The following TMEM201 variants were observed in gnomAD, a reference collection of about 807,000 sequenced individuals.
The protein encoded by TMEM201 is transmembrane protein 201, also known as RP13-15M17.2.
Under a neutral mutation model 63.4 loss-of-function variants are expected in TMEM201, and 26 were observed. The ratio of observed to expected loss-of-function variants is 0.41; its 90% confidence interval spans 0.30 to 0.57. The LOEUF (loss-of-function observed/expected upper bound fraction) is 0.57, where lower values mean the gene tolerates loss of function less well. Ranked by LOEUF, TMEM201 falls within the 20% of genes least tolerant of loss-of-function variation. The probability of loss-of-function intolerance (pLI) is 0.29; values close to 1 mark genes in which losing one functional copy is unlikely to be tolerated. For missense variants in TMEM201, 794 were observed against 917.7 expected (o/e 0.87, Z 1.74); for synonymous variants, 417 against 421.6 (o/e 0.99, Z 0.14).
rs1644304691 is a variant in TMEM201 at position 9,610,375 on chromosome 1, CCT to C, written c.1466-130_1466-129del. On this transcript the variant is annotated intron_variant, in intron 8 of 10. Transcript: ENST00000340381. This position sits in a 1 kb window ranked among gnomAD's most constrained non-coding sequence, Gnocchi z 4.9. The stretch of plus-strand genomic sequence containing the variant: ...CTTCAGCTTTGCAGCAGGACTTCCC[CCT>C]GTCCCCAGTCTCTGCACCTTTCCTG... 4.2e-6 allele frequency: 4 copies of C among 961,178 alleles called. No individual in the cohort carries two copies. The highest frequency in any genetic ancestry group is 5.3e-5 in the East Asian group (2 of 37,562). The allele number at this position is 961,178 out of a possible 1,614,324, so 59.5% of individuals were successfully genotyped here. A position where few individuals can be genotyped will look rare whatever the true frequency, so the allele number is the denominator to read the frequency against.
rs764191806 is a variant in TMEM201 at position 9,598,517 on chromosome 1, G to A, written c.498G>A (p.Pro166=). The part of the protein sequence containing the change: ...HLEQMYKLCR[P]CQAAVEYYIK... ...AGCAGATGTACAAGCTGTGCCGGCC[G>A]TGCCAAGCGGCTGTGGAGTACTACA... The change falls in exon 4 of 11, where the codon CCG becomes CCA. Residue 166 remains proline, a synonymous_variant. Transcript: ENST00000340381. The A allele has an allele frequency of 2.2e-5, 36 of 1,613,896 alleles. No homozygotes were observed. Among genetic ancestry groups the A allele is most frequent in the Admixed American group, 3.3e-5 (2 of 60,008 alleles).
chr1:9,602,963 G>C (rs992211735), intron 6 of TMEM201: 3 of 985,472 alleles, frequency 3.0e-6, no homozygotes, highest in Non-Finnish European at 3.6e-6. Context: ...TGCAGTTCTT[G>C]GGCCCAGCCT....
intron 10 of TMEM201, among the ~76,000 whole-genome samples, chr1:9,612,413 G>C (rs1644337450): frequency 6.6e-6 from 1 of 152,202 alleles, no homozygotes; most frequent in Admixed American, 6.5e-5. Flanking sequence ...GACCAGATCT[G>C]TGGTACACAT....
Position 9,610,882 on chromosome 1 carries a change from G to A in TMEM201, c.1765+77G>A. The A allele has an allele frequency of 6.7e-7, 1 of 1,490,320 alleles. No homozygotes were observed. The highest frequency in any genetic ancestry group is 9.0e-7 in the Non-Finnish European group (1 of 1,116,144). 92.3% of individuals were successfully genotyped at this position (1,490,320 alleles called of 1,614,324 possible). ...GAGGCCTGGCTGTGCGGCGGTGGGG[G>A]GGCTCATCCTTGCTCTGACTCCGGT... On this transcript the variant is annotated intron_variant, in intron 9 of 10. Coordinates refer to ENST00000340381, the MANE Select transcript of TMEM201 (RefSeq NM_001130924.3). This position sits in a 1 kb window ranked among gnomAD's most constrained non-coding sequence, Gnocchi z 4.9.
In TMEM201 at chr1:9,592,856, C is replaced by T. The variant is rs575172956; in HGVS notation, c.114-3034C>T. Among the ~76,000 whole-genome samples the T allele has an allele frequency of 9.5e-4, 145 of 152,324 alleles. 1 individual carries two copies. The highest frequency in any genetic ancestry group is 3.3e-3 in the African/African-American group (136 of 41,572). On this transcript the variant is annotated intron_variant, in intron 1 of 10. Coordinates refer to ENST00000340381, the MANE Select transcript of TMEM201 (RefSeq NM_001130924.3). ...GCCGAGATAGTGGCCTCCAGGCCCT[C>T]GTGTCCACCCATCAAATGGGACCCA...
Position 9,595,962 on chromosome 1 carries a change from C to T in TMEM201, c.186C>T (p.Arg62=), listed in dbSNP as rs200443769. The T allele has an allele frequency of 3.1e-6, 5 of 1,613,650 alleles. No homozygotes were observed. The highest frequency in any genetic ancestry group is 1.7e-4 in the Middle Eastern group (1 of 5,998). ...NQDTLVPYGN[R]NCWDCPHCEQ... ...ATACGCTGGTGCCCTATGGGAACCGCAACTGCTGGGACTGTCCCCACTGCG... is the reference window on the plus strand; with the variant it reads ...ATACGCTGGTGCCCTATGGGAACCGTAACTGCTGGGACTGTCCCCACTGCG... The change falls in exon 2 of 11, where the codon CGC becomes CGT. Residue 62 remains arginine (R), a synonymous_variant. Coordinates refer to ENST00000340381, the MANE Select transcript of TMEM201 (RefSeq NM_001130924.3).
chr1:9,598,313 T>C, intron 3 of TMEM201, 136 bp from the exon 4 acceptor site: 1 of 1,017,458 alleles, frequency 9.8e-7, no homozygotes, highest in Non-Finnish European at 1.5e-6. Flanking sequence ...GGGAAGCAGG[T>C]TCAAAGTGGG....
At chr1:9,594,176 G>T (rs1358937607) in intron 1 of TMEM201, among the ~76,000 whole-genome samples, 1 of 152,254 alleles carries the variant, frequency 6.6e-6, no homozygotes, top group African/African-American at 2.4e-5. Flanking sequence ...GCCCTAGAAG[G>T]CAGAGCTGCT....
chr1:9,588,950 TG>T lies in TMEM201; in HGVS notation c.21del (p.Leu8TrpfsTer32). MEGVSA[L>X]LARCPTAGLA... ...AGAGCCATGGAGGGAGTGAGCGCGCTGCTGGCCCGCTGCCCCACGGCCGGCC... is the reference window on the plus strand; with the variant it reads ...AGAGCCATGGAGGGAGTGAGCGCGCTCTGGCCCGCTGCCCCACGGCCGGCC... On this transcript the variant is annotated frameshift_variant, in exon 1 of 11. Coordinates refer to ENST00000340381, the MANE Select transcript of TMEM201 (RefSeq NM_001130924.3). LOFTEE classifies it high-confidence loss of function. 7.8e-7 allele frequency: 1 copy of T among 1,276,128 alleles called. No individual in the cohort carries two copies. The highest frequency in any genetic ancestry group is 1.0e-6 in the Non-Finnish European group (1 of 992,532). The allele number at this position is 1,276,128 out of a possible 1,614,324, so 79.1% of individuals were successfully genotyped here.
chr1:9,599,920 C>T (rs952259291), intron 4 of TMEM201, among the ~76,000 whole-genome samples: 1 of 152,188 alleles, frequency 6.6e-6, no homozygotes, highest in Non-Finnish European at 1.5e-5. Flanking sequence ...TTAATTGGAG[C>T]TGACATAAAT....
At position 9,595,913 on chromosome 1, in the gene TMEM201, T is replaced by G; in HGVS notation, c.137T>G (p.Val46Gly). 6.2e-7 allele frequency: 1 copy of G among 1,613,576 alleles called. No homozygotes were observed. The highest frequency in any genetic ancestry group is 8.5e-7 in the Non-Finnish European group (1 of 1,179,986). Residue 46 changes from valine (V) to glycine (G), a missense_variant, in exon 2 of 11, where the codon GTC (valine) becomes GGC (glycine). Coordinates refer to ENST00000340381, the MANE Select transcript of TMEM201 (RefSeq NM_001130924.3). Reference protein sequence around the residue: ...ARRMKPTHTMVNCWFCNQDTL... With the variant: ...ARRMKPTHTMGNCWFCNQDTL... ...AGGATGAAGCCAACGCACACGATGG[T>G]CAACTGCTGGTTCTGCAACCAGGAT...
chr1:9,608,001 G>A lies in TMEM201; in HGVS notation c.1393+212G>A, dbSNP rs1644272077. 2.0e-5 allele frequency among the ~76,000 whole-genome samples: 3 copies of A among 152,232 alleles called. No individual in the cohort carries two copies. The highest frequency in any genetic ancestry group is 2.0e-4 in the Admixed American group (3 of 15,286). On this transcript the variant is annotated intron_variant, in intron 7 of 10. Transcript: ENST00000340381. This position sits in a 1 kb window ranked among gnomAD's most constrained non-coding sequence, Gnocchi z 4.3. Reference sequence around the variant, plus strand: ...GCCTTTAATCCCAGCACTTTAGGAGGCCAAGGTGGGAGGATGGCTTGAGGC... The same window carrying A: ...GCCTTTAATCCCAGCACTTTAGGAGACCAAGGTGGGAGGATGGCTTGAGGC...
chr1:9,610,606 C>T lies in TMEM201; in HGVS notation c.1566C>T (p.Arg522=). 6.4e-7 allele frequency: 1 copy of T among 1,550,568 alleles called. No individual in the cohort carries two copies. Among genetic ancestry groups the T allele is most frequent in the Non-Finnish European group, 8.7e-7 (1 of 1,146,896 alleles). The change falls in exon 9 of 11, where the codon CGC becomes CGT. Residue 522 remains arginine, a synonymous_variant. Transcript: ENST00000340381. This position sits in a 1 kb window ranked among gnomAD's most constrained non-coding sequence, Gnocchi z 4.9. ...GSVASSSGSL[R]HRRPLISPAR... is the part of the protein sequence containing the mutation. ...TGGCCTCCAGCTCCGGCTCTCTGCG[C>T]CACCGCAGGCCCCTCATCAGCCCTG... is the stretch of plus-strand genomic sequence containing the variant.
chr1:9,613,398 C>T lies in TMEM201; in HGVS notation c.*315C>T, dbSNP rs1025129521. 48 of 429,104 alleles carry T rather than the reference C, an allele frequency of 1.1e-4. 2 individuals carry two copies. In the East Asian group the frequency reaches 1.9e-3, roughly 17 times the overall value. The allele number at this position is 429,104 out of a possible 1,614,324, so 26.6% of individuals were successfully genotyped here. A position where few individuals can be genotyped will look rare whatever the true frequency, so the allele number is the denominator to read the frequency against. ...TGACCCTGGGGTGCCCCACACAGTT[C>T]AGCCCTGCCTGGCAGGGACGCCAGT... On this transcript the variant is annotated 3_prime_UTR_variant, in exon 11 of 11. Coordinates refer to ENST00000340381, the MANE Select transcript of TMEM201 (RefSeq NM_001130924.3).
At chr1:9,595,313 G>A (rs975085371) in intron 1 of TMEM201, among the ~76,000 whole-genome samples, 22 of 152,232 alleles carry the variant, frequency 1.4e-4, no homozygotes, top group African/African-American at 5.3e-4. Context: ...CCCCAGGCTG[G>A]GCAGCTGTCA....
At chr1:9,589,151 G>A in intron 1 of TMEM201, 108 bp downstream of exon 1, 3 of 354,588 alleles carry the variant, frequency 8.5e-6, no homozygotes, top group Non-Finnish European at 1.2e-5. Flanking sequence ...GCTGCCCGCG[G>A]GCGCGCGGAG....
rs554018195 is a variant in TMEM201, at chr1:9,600,130, G to A, written c.607-975G>A. On this transcript the variant is annotated intron_variant, in intron 4 of 10. Transcript: ENST00000340381. ...GGAAACCACATATCAATCAGACCCA[G>A]GTCACATCTAGAGACACAAAGGGGT... 2.0e-5 allele frequency among the ~76,000 whole-genome samples: 3 copies of A among 152,240 alleles called. No homozygotes were observed. The South Asian group carries it at 6.2e-4, about 32-fold the overall frequency.
Position 9,598,453 on chromosome 1 carries a change from G to T in TMEM201, c.434G>T (p.Arg145Met), listed in dbSNP as rs958331876. The T allele has an allele frequency of 6.2e-7, 1 of 1,612,820 alleles. No individual in the cohort carries two copies. Among genetic ancestry groups the T allele is most frequent in the Non-Finnish European group, 8.5e-7 (1 of 1,179,070 alleles). Reference protein sequence around the residue: ...LAAFAPREEGRYDEEVEVYRH... With the variant: ...LAAFAPREEGMYDEEVEVYRH... The stretch of plus-strand genomic sequence containing the variant: ...CCTGTTCCCCCAACCCCACAGGGCA[G>T]GTATGACGAGGAGGTCGAGGTGTAC... Residue 145 changes from arginine (R) to methionine (M), a missense_variant, in exon 4 of 11, where the codon AGG becomes ATG. Transcript: ENST00000340381.
intron 6 of TMEM201, 176 bp downstream of exon 6, chr1:9,602,448 G>T: frequency 1.4e-6 from 2 of 1,443,274 alleles, no homozygotes; most frequent in East Asian, 2.5e-5. Flanking sequence ...CGAAGAGTCA[G>T]TCTGCCCTGC....
Sources: allele counts gnomAD v4.1 joint callset (sites outside exome capture counted in the v4.1 genomes callset), GRCh38; gene constraint gnomAD v4.1.1; non-coding constraint Gnocchi (gnomAD v3.1); transcripts MANE v1.5; gene names NCBI Gene and HGNC (gene_info 2026-07-23, HGNC 2026-07-21).